GLIS3: variants seen among roughly 807,000 people sequenced by gnomAD.
GLIS3 encodes the protein GLIS family zinc finger 3.
A neutral mutation model predicts 78.6 loss-of-function variants in GLIS3; 53 were observed. The ratio of observed to expected loss-of-function variants is 0.67; its 90% CI spans 0.54 to 0.85. The LOEUF is 0.85. Among genes scored for constraint, GLIS3 ranks in the 40% least tolerant of loss-of-function variants. GLIS3 has a pLI of 0.00. For synonymous variants in GLIS3, 684 were observed against 509.9 expected (o/e 1.34, Z -4.60); for missense variants, 1,703 against 1,231.1 (o/e 1.38, Z -5.74).
chr9:4,392,500 T>A, the GLIS3 span, among the ~76,000 whole-genome samples: 1 of 152,292 alleles, frequency 6.6e-6, no homozygotes, highest in East Asian at 1.9e-4. Flanking sequence ...CTCGCTGGTA[T>A]CTGTAACCCC....
chr9:4,279,023 T>C (rs1020222341), intron 2 of GLIS3, among the ~76,000 whole-genome samples: 3 of 152,082 alleles, frequency 2.0e-5, no homozygotes, highest in African/African-American at 7.2e-5. Context: ...TCAGCGTGGC[T>C]GGGCACGGTG....
chr9:4,297,084 A>G (rs1478597173), intron 1 of GLIS3, among the ~76,000 whole-genome samples: 6 of 151,998 alleles, frequency 3.9e-5, no homozygotes, highest in East Asian at 1.9e-4. Flanking sequence ...GAGAAGAAGT[A>G]GGAAGGTTTA....
chr9:4,434,611 G>A, the GLIS3 span, among the ~76,000 whole-genome samples: 1 of 152,158 alleles, frequency 6.6e-6, no homozygotes, highest in Non-Finnish European at 1.5e-5. Flanking sequence ...TGGATGAATG[G>A]ATGGATACAT....
At chr9:4,211,962 G>C (rs575900092) in intron 2 of GLIS3, among the ~76,000 whole-genome samples, 1 of 152,226 alleles carries the variant, frequency 6.6e-6, no homozygotes, top group Non-Finnish European at 1.5e-5. Flanking sequence ...GAAATGCCCA[G>C]AAAAGGCAAA....
intron 2 of GLIS3, among the ~76,000 whole-genome samples, chr9:4,341,149 G>T (rs951730619): frequency 1.3e-5 from 2 of 152,168 alleles, no homozygotes; most frequent in Non-Finnish European, 2.9e-5. Flanking sequence ...GACTTTCCTA[G>T]TTGCATTATC....
chr9:4,246,121 A>C (rs1053543992), intron 2 of GLIS3, among the ~76,000 whole-genome samples: 2 of 152,188 alleles, frequency 1.3e-5, no homozygotes, highest in Non-Finnish European at 2.9e-5. Flanking sequence ...TCATGCCTGT[A>C]ATCCCAGCAC....
chr9:4,181,945 G>C (rs1817363065), intron 2 of GLIS3, among the ~76,000 whole-genome samples: 1 of 152,192 alleles, frequency 6.6e-6, no homozygotes, highest in African/African-American at 2.4e-5. Flanking sequence ...TCAACCCACA[G>C]AATTGTGAGA....
chr9:4,091,247 G>A (rs574448232), intron 4 of GLIS3, among the ~76,000 whole-genome samples: 1 of 152,062 alleles, frequency 6.6e-6, no homozygotes, highest in South Asian at 2.1e-4. Flanking sequence ...TACATCTGTA[G>A]TCCCAGCTAC....
the GLIS3 span, among the ~76,000 whole-genome samples, chr9:4,489,270 C>G: frequency 6.6e-6 from 1 of 152,208 alleles, no homozygotes; most frequent in Non-Finnish European, 1.5e-5. Context: ...AGCTGATAAA[C>G]TCATTCATAC....
intron 4 of GLIS3, among the ~76,000 whole-genome samples, chr9:3,950,224 C>G (rs989388714): frequency 6.6e-6 from 1 of 152,204 alleles, no homozygotes; most frequent in African/African-American, 2.4e-5. Context: ...CCCACCTGGT[C>G]TACTTCAGTG....
At chr9:4,177,828 C>G (rs746278857) in intron 2 of GLIS3, among the ~76,000 whole-genome samples, 1 of 152,136 alleles carries the variant, frequency 6.6e-6, no homozygotes, top group Non-Finnish European at 1.5e-5. Flanking sequence ...ACTGAATAAG[C>G]TATGCGACAG....
intron 4 of GLIS3, among the ~76,000 whole-genome samples, chr9:3,971,102 GGAAGGAAGGAAGGATC>G (rs903812490): frequency 6.7e-5 from 3 of 45,042 alleles, no homozygotes; most frequent in Non-Finnish European, 1.6e-4. Context: ...ATAGATCGAA[GGAAGGAAGGAAGGATC>G]GAAGGAAGGA....
At chr9:4,196,825 T>G (rs1818901519) in intron 2 of GLIS3, among the ~76,000 whole-genome samples, 3 of 151,246 alleles carry the variant, frequency 2.0e-5, no homozygotes, top group African/African-American at 4.9e-5. Flanking sequence ...TACCACACAA[T>G]GAGATGTGCA....
rs74546867 is a variant in GLIS3, at chr9:4,291,344, A to G, written c.-98-4821T>C. Among the ~76,000 whole-genome samples the G allele has an allele frequency of 6.7e-3, 1,016 of 152,276 alleles. 13 individuals are homozygous for G. The highest frequency in any genetic ancestry group is 0.022 in the African/African-American group (935 of 41,582). ...AAGACTACTCAGAAAAGATAATGTA[A>G]TGAACATGAGGGACCTCACCTAATA... is the stretch of plus-strand genomic sequence containing the variant. On this transcript the variant is annotated intron_variant, in intron 1 of 10. Transcript: ENST00000381971.
intron 4 of GLIS3, among the ~76,000 whole-genome samples, chr9:4,003,030 G>A (rs1821244115): frequency 6.6e-6 from 1 of 152,160 alleles, no homozygotes; most frequent in African/African-American, 2.4e-5. Context: ...CTGTAGTATG[G>A]TTTGGTGTTA....
intron 4 of GLIS3, among the ~76,000 whole-genome samples, chr9:4,016,013 G>A (rs1588458363): frequency 6.6e-6 from 1 of 151,802 alleles, no homozygotes; most frequent in South Asian, 2.1e-4. Flanking sequence ...ATACATGCCT[G>A]TGGAATTCAA....
chr9:4,346,051 A>C (rs1312877463), intron 2 of GLIS3, among the ~76,000 whole-genome samples: 1 of 152,224 alleles, frequency 6.6e-6, no homozygotes, highest in Non-Finnish European at 1.5e-5. Context: ...ATACAGACAC[A>C]GAAGAACTAA....
At chr9:3,965,113 T>C (rs1817833111) in intron 4 of GLIS3, among the ~76,000 whole-genome samples, 1 of 151,914 alleles carries the variant, frequency 6.6e-6, no homozygotes, top group African/African-American at 2.4e-5. Flanking sequence ...GTTTCTATGG[T>C]GCTTAAATGC....
chr9:4,264,188 T>G (rs1563857830), intron 2 of GLIS3, among the ~76,000 whole-genome samples: 3 of 152,214 alleles, frequency 2.0e-5, no homozygotes, highest in Non-Finnish European at 4.4e-5. Context: ...TCACTACATG[T>G]TCAAACCAAA....
Sources: gnomAD v4.1 joint callset for allele counts (sites outside exome capture counted in the v4.1 genomes callset) on GRCh38, gnomAD v4.1.1 for gene constraint, MANE v1.5 for transcripts, NCBI Gene and HGNC (gene_info 2026-07-23, HGNC 2026-07-21) for gene names.